Variants in ST18 observed in about 807,000 individuals in gnomAD.
ST18 encodes the protein ST18 C2H2C-type zinc finger transcription factor.
A neutral mutation model predicts 110.0 loss-of-function variants in ST18; 50 were observed. That is an observed-to-expected ratio of 0.45 (90% CI 0.36 to 0.58). ST18 has a LOEUF of 0.58. Ranked by LOEUF, ST18 falls within the 20% of genes least tolerant of loss-of-function variation. The pLI is 0.00. For missense variants in ST18, 1,306 were observed against 1,280.1 expected, an observed-to-expected ratio of 1.02 and a Z score of -0.31; for synonymous variants, 461 against 452.4, an observed-to-expected ratio of 1.02 and a Z score of -0.24.
chr8:52,381,263 G>C (rs1834407772), intron 2 of ST18, among the ~76,000 whole-genome samples: 2 of 152,144 alleles, frequency 1.3e-5, no homozygotes, highest in African/African-American at 4.8e-5. Flanking sequence ...TATCCAGTGA[G>C]GGGGGTCATC....
chr8:52,157,221 C>G (rs1323761311), intron 15 of ST18, among the ~76,000 whole-genome samples: 1 of 152,088 alleles, frequency 6.6e-6, no homozygotes, highest in Non-Finnish European at 1.5e-5. Context: ...TTTTAGTCAT[C>G]TTTGTTTGAT....
chr8:52,263,943 C>A (rs146620732), intron 2 of ST18, among the ~76,000 whole-genome samples: 1 of 151,704 alleles, frequency 6.6e-6, no homozygotes, highest in African/African-American at 2.4e-5. Context: ...GGATTACATG[C>A]GTGTGCCACC....
rs2040861742 is a variant in ST18, at chr8:52,112,622, CA to C, written c.*575del. 1 of 152,502 alleles carries C rather than the reference CA, an allele frequency of 6.6e-6. No individual in the cohort carries two copies. The highest frequency in any genetic ancestry group is 2.4e-5 in the African/African-American group (1 of 41,372). The allele number at this position is 152,502 out of a possible 1,614,324, so 9.4% of individuals were successfully genotyped here. A position where few individuals can be genotyped will look rare whatever the true frequency, so the allele number is the denominator to read the frequency against. ...TCCTTCCGTGCAGCTCACCTTACCGCAAATTCATTTATAAATACAAAAATCA... is the reference window on the plus strand; with the variant it reads ...TCCTTCCGTGCAGCTCACCTTACCGCAATTCATTTATAAATACAAAAATCA... On this transcript the variant is annotated 3_prime_UTR_variant, in exon 26 of 26. Transcript: ENST00000689386.
chr8:52,292,873 A>G (rs943629603), intron 2 of ST18, among the ~76,000 whole-genome samples: 2 of 152,210 alleles, frequency 1.3e-5, no homozygotes, highest in African/African-American at 2.4e-5. Flanking sequence ...CCCTTCCAAT[A>G]AAGAAGGGAA....
intron 2 of ST18, among the ~76,000 whole-genome samples, chr8:52,306,571 G>A (rs1228216247): frequency 6.6e-6 from 1 of 152,218 alleles, no homozygotes; most frequent in Non-Finnish European, 1.5e-5. Context: ...ATCCATGAAA[G>A]ATTTTTAGAA....
At chr8:52,274,709 A>C (rs988830382) in intron 2 of ST18, among the ~76,000 whole-genome samples, 4 of 152,214 alleles carry the variant, frequency 2.6e-5, no homozygotes, top group African/African-American at 9.6e-5. Flanking sequence ...ATATGCAACA[A>C]ATCAATTTTC....
chr8:52,251,219 G>T (rs1310634206), intron 2 of ST18, among the ~76,000 whole-genome samples: 4 of 152,106 alleles, frequency 2.6e-5, no homozygotes, highest in Admixed American at 2.0e-4. Flanking sequence ...AACCTTTGGG[G>T]AAATATGAAT....
chr8:52,236,308 A>G (rs1328743317), intron 2 of ST18, among the ~76,000 whole-genome samples: 1 of 152,192 alleles, frequency 6.6e-6, no homozygotes, highest in Non-Finnish European at 1.5e-5. Flanking sequence ...AGTACAAGCT[A>G]GTATTCAGAA....
chr8:52,397,232 T>C (rs1351110686), intron 2 of ST18, among the ~76,000 whole-genome samples: 1 of 152,200 alleles, frequency 6.6e-6, no homozygotes, highest in African/African-American at 2.4e-5. Flanking sequence ...TGATGACTAG[T>C]AATGTTGCAC....
At chr8:52,235,165 C>T (rs763556208) in intron 2 of ST18, among the ~76,000 whole-genome samples, 3 of 151,884 alleles carry the variant, frequency 2.0e-5, no homozygotes, top group Non-Finnish European at 4.4e-5. Context: ...ACGATGAATG[C>T]CACTTAAAAA....
intron 2 of ST18, among the ~76,000 whole-genome samples, chr8:52,401,916 T>C (rs1017050241): frequency 1.1e-4 from 17 of 152,214 alleles, no homozygotes; most frequent in African/African-American, 4.1e-4. Context: ...CAGTTGCCTC[T>C]TCTAATTTTA....
chr8:52,113,044 T>C lies in ST18; in HGVS notation c.*154A>G. On this transcript the variant is annotated 3_prime_UTR_variant, in exon 26 of 26. Transcript: ENST00000689386. Reference sequence around the variant, plus strand: ...AGTCTATCATAGTTTTTCTTTCCTTTTTATATCAGCTGGGGAAAATAAAAT... The same window carrying C: ...AGTCTATCATAGTTTTTCTTTCCTTCTTATATCAGCTGGGGAAAATAAAAT... 1.3e-6 allele frequency: 1 copy of C among 787,268 alleles called. No homozygotes were observed. Among genetic ancestry groups the C allele is most frequent in the Non-Finnish European group, 1.8e-6 (1 of 558,010 alleles). The allele number at this position is 787,268 out of a possible 1,614,324, so 48.8% of individuals were successfully genotyped here.
chr8:52,235,604 C>T (rs887309193), intron 2 of ST18, among the ~76,000 whole-genome samples: 5 of 152,138 alleles, frequency 3.3e-5, no homozygotes, highest in African/African-American at 1.2e-4. Flanking sequence ...CAGCCTGTAG[C>T]AAAAAGTGAT....
intron 2 of ST18, among the ~76,000 whole-genome samples, chr8:52,320,587 CA>C (rs1803453458): frequency 6.6e-6 from 1 of 152,090 alleles, no homozygotes; most frequent in Non-Finnish European, 1.5e-5. Flanking sequence ...CTGGGACACC[CA>C]AATCCTGAAA....
rs1376547956 is a variant in ST18, at chr8:52,112,797, T to C, written c.*401A>G. 1.3e-5 allele frequency: 2 copies of C among 154,338 alleles called. No homozygotes were observed. The highest frequency in any genetic ancestry group is 2.9e-5 in the Non-Finnish European group (2 of 69,426). 9.6% of individuals were successfully genotyped at this position (154,338 alleles called of 1,614,324 possible). A position where few individuals can be genotyped will look rare whatever the true frequency, so the allele number is the denominator to read the frequency against. ...GAATAGCATTTCTATTTAAATCCTA[T>C]TGGAAAATAAATTAATAAACACACT... is the stretch of plus-strand genomic sequence containing the variant. On this transcript the variant is annotated 3_prime_UTR_variant, in exon 26 of 26. Transcript: ENST00000689386.
chr8:52,171,512 A>G, intron 10 of ST18: 1 of 501,444 alleles, frequency 2.0e-6, no homozygotes, highest in Non-Finnish European at 3.8e-6. Context: ...AGTTATTTCT[A>G]AAGGTATGAT....
At chr8:52,323,949 A>G (rs1217975849) in intron 2 of ST18, among the ~76,000 whole-genome samples, 1 of 152,190 alleles carries the variant, frequency 6.6e-6, no homozygotes, top group Non-Finnish European at 1.5e-5. Flanking sequence ...CAGCCCCAAC[A>G]TGTCAGGGGA....
chr8:52,114,098 T>C (rs2041607511), intron 25 of ST18, among the ~76,000 whole-genome samples: 1 of 150,480 alleles, frequency 6.6e-6, no homozygotes, highest in African/African-American at 2.4e-5. Context: ...GCCCCCCAAG[T>C]AGCTGGGATT....
intron 2 of ST18, among the ~76,000 whole-genome samples, chr8:52,310,008 C>T (rs2139694257): frequency 6.6e-6 from 1 of 152,346 alleles, no homozygotes; most frequent in East Asian, 1.9e-4. Flanking sequence ...AAGAAGTGCA[C>T]ATTCTGCATC....
Sources: allele counts gnomAD v4.1 joint callset (sites outside exome capture counted in the v4.1 genomes callset), GRCh38; gene constraint gnomAD v4.1.1; transcripts MANE v1.5; gene names NCBI Gene and HGNC (gene_info 2026-07-23, HGNC 2026-07-21).